Variants in MAPK4 observed in about 807,000 individuals in gnomAD.
The protein encoded by MAPK4 is Erk3-related.
In MAPK4, 22 loss-of-function variants were observed where a neutral mutation model predicts 47.7. The observed-to-expected ratio is 0.46, with a 90% CI of 0.33 to 0.66. The LOEUF (loss-of-function observed/expected upper bound fraction) is 0.66, where lower values mean the gene tolerates loss of function less well. Ranked by LOEUF, MAPK4 falls within the 30% of genes least tolerant of loss-of-function variation. MAPK4 has a pLI of 0.02. For missense variants in MAPK4, 736 were observed against 831.7 expected (o/e 0.88, Z 1.42); for synonymous variants, 390 against 365.7 (o/e 1.07, Z -0.76).
At chr18:50,682,114 G>C (rs866450702) in intron 2 of MAPK4, among the ~76,000 whole-genome samples, 1 of 152,078 alleles carries the variant, frequency 6.6e-6, no homozygotes, top group African/African-American at 2.4e-5. Context: ...GGAGTTTTTT[G>C]TTAGGTTGTT....
intron 2 of MAPK4, among the ~76,000 whole-genome samples, chr18:50,710,654 C>T (rs937484515): frequency 6.6e-6 from 1 of 151,868 alleles, no homozygotes; most frequent in Non-Finnish European, 1.5e-5. Context: ...GTGGCAGGCA[C>T]CTGCAGTCCC....
chr18:50,564,165 C>A (rs2042178436), intron 1 of MAPK4, among the ~76,000 whole-genome samples: 1 of 152,176 alleles, frequency 6.6e-6, no homozygotes, highest in African/African-American at 2.4e-5. Flanking sequence ...TCTCTGTGAG[C>A]CACCTGTCAG....
At chr18:50,623,715 G>C (rs2042752279) in intron 1 of MAPK4, among the ~76,000 whole-genome samples, 1 of 152,218 alleles carries the variant, frequency 6.6e-6, no homozygotes, top group Non-Finnish European at 1.5e-5. Flanking sequence ...GTGCAAATCA[G>C]ACTACATCAT....
chr18:50,626,616 C>G (rs143996966), intron 1 of MAPK4, among the ~76,000 whole-genome samples: 5 of 152,244 alleles, frequency 3.3e-5, no homozygotes, highest in Admixed American at 6.5e-5. Flanking sequence ...TTTCTCGTCC[C>G]CTCTCCCCTC....
At chr18:50,616,564 G>T (rs1328281356) in intron 1 of MAPK4, among the ~76,000 whole-genome samples, 3 of 152,168 alleles carry the variant, frequency 2.0e-5, no homozygotes, top group Non-Finnish European at 2.9e-5. Flanking sequence ...TAGACCATCT[G>T]CAGGCTAAGG....
At position 50,729,874 on chromosome 18, in the gene MAPK4, G is replaced by C; in HGVS notation, c.*20G>C. ...TGGTGAGGGCGGAGGGGCCGCTCCA[G>C]GCCCCACAGAGCAGGAGACCCCCAG... On this transcript the variant is annotated 3_prime_UTR_variant, in exon 6 of 6. Coordinates refer to ENST00000400384, the MANE Select transcript of MAPK4 (RefSeq NM_002747.4). 1 of 1,576,724 alleles carries C rather than the reference G, an allele frequency of 6.3e-7. No individual in the cohort carries two copies.
intron 1 of MAPK4, among the ~76,000 whole-genome samples, chr18:50,615,893 G>A (rs2042680514): frequency 6.6e-6 from 1 of 152,126 alleles, no homozygotes; most frequent in Non-Finnish European, 1.5e-5. Flanking sequence ...AGATACCTTG[G>A]GGAAAAACTG....
chr18:50,729,798 C>A lies in MAPK4; in HGVS notation c.1708C>A (p.Pro570Thr), dbSNP rs1166513447. Residue 570 changes from proline to threonine, a missense_variant, in exon 6 of 6, where the codon CCC becomes ACC. This residue lies in a region of MAPK4 where 377 missense variants were observed against 378.6 expected (regional missense o/e 1.00). Transcript: ENST00000400384. Reference protein sequence around the residue: ...KLGDLNGACIPEHPGDLVQTE... With the variant: ...KLGDLNGACITEHPGDLVQTE... ...GGGCGACCTCAATGGTGCGTGCATCCCCGAGCACCCTGGCGACCTCGTGCA... is the reference window on the plus strand; with the variant it reads ...GGGCGACCTCAATGGTGCGTGCATCACCGAGCACCCTGGCGACCTCGTGCA... 3 of 1,612,484 alleles carry A rather than the reference C, an allele frequency of 1.9e-6. No individual in the cohort carries two copies. The highest frequency in any genetic ancestry group is 2.5e-6 in the Non-Finnish European group (3 of 1,179,784).
intron 1 of MAPK4, among the ~76,000 whole-genome samples, chr18:50,592,176 A>G (rs2042441946): frequency 1.3e-5 from 2 of 152,000 alleles, no homozygotes; most frequent in Admixed American, 6.6e-5. Flanking sequence ...GAGATTGGGA[A>G]CTCTAGAGGC....
At chr18:50,572,036 T>C (rs1418848604) in intron 1 of MAPK4, among the ~76,000 whole-genome samples, 1 of 152,244 alleles carries the variant, frequency 6.6e-6, no homozygotes, top group Non-Finnish European at 1.5e-5. Flanking sequence ...GTGAGAAATA[T>C]GTAACAATGG....
Position 50,578,701 on chromosome 18 carries a change from A to G in MAPK4, c.-871+18458A>G, listed in dbSNP as rs1177989667. ...GGTATTGTGCAAGCTTTGCTGCTAT[A>G]AGGAAGAGGAAGAGCCGTTACTACA... is the stretch of plus-strand genomic sequence containing the variant. On this transcript the variant is annotated intron_variant, in intron 1 of 5. Transcript: ENST00000400384. Among the ~76,000 whole-genome samples the G allele has an allele frequency of 4.6e-5, 7 of 152,212 alleles. 1 individual carries two copies. Among genetic ancestry groups the G allele is most frequent in the Admixed American group, 2.6e-4 (4 of 15,290 alleles).
intron 1 of MAPK4, among the ~76,000 whole-genome samples, chr18:50,576,910 T>G (rs1382809843): frequency 6.6e-6 from 1 of 152,180 alleles, no homozygotes; most frequent in Admixed American, 6.5e-5. Flanking sequence ...CTCTACAAAT[T>G]CAATTCAGTT....
At chr18:50,613,983 T>TGA (rs1223995100) in intron 1 of MAPK4, among the ~76,000 whole-genome samples, 4 of 152,242 alleles carry the variant, frequency 2.6e-5, no homozygotes, top group Non-Finnish European at 5.9e-5. Flanking sequence ...CTGTTTAATA[T>TGA]ATTCTATTCA....
intron 1 of MAPK4, among the ~76,000 whole-genome samples, chr18:50,596,676 C>T (rs1009188720): frequency 2.2e-4 from 34 of 152,308 alleles, no homozygotes; most frequent in African/African-American, 8.2e-4. Context: ...CCAAAATCAA[C>T]ATCAGTGGTA....
rs1217506185 is a variant in MAPK4, at chr18:50,674,188, A to G, written c.546+9684A>G. Reference sequence around the variant, plus strand: ...CTTCAGTCATTGCTCCAGTCTCTCCACTTGGGTACACCCAAGTTGTAAACA... The same window carrying G: ...CTTCAGTCATTGCTCCAGTCTCTCCGCTTGGGTACACCCAAGTTGTAAACA... On this transcript the variant is annotated intron_variant, in intron 2 of 5. Coordinates refer to ENST00000400384, the MANE Select transcript of MAPK4 (RefSeq NM_002747.4). Among the ~76,000 whole-genome samples the G allele has an allele frequency of 2.6e-5, 4 of 152,322 alleles. No individual in the cohort carries two copies. In the East Asian group the frequency reaches 7.7e-4, roughly 29 times the overall value.
chr18:50,660,429 A>G (rs2043157846), intron 1 of MAPK4, among the ~76,000 whole-genome samples: 1 of 152,214 alleles, frequency 6.6e-6, no homozygotes, highest in African/African-American at 2.4e-5. Context: ...GTGACCACCT[A>G]GGAAACGTGG....
intron 1 of MAPK4, among the ~76,000 whole-genome samples, chr18:50,597,120 C>G (rs8084796): frequency 6.6e-6 from 1 of 152,238 alleles, no homozygotes; most frequent in Non-Finnish European, 1.5e-5. Flanking sequence ...TCATGTCCCC[C>G]TTCAGTCAAT....
intron 4 of MAPK4, among the ~76,000 whole-genome samples, chr18:50,722,808 G>T (rs991150071): frequency 4.6e-5 from 7 of 152,184 alleles, no homozygotes; most frequent in Non-Finnish European, 1.0e-4. Context: ...GGCGGGCTCT[G>T]GATGAAGCAG....
intron 1 of MAPK4, among the ~76,000 whole-genome samples, chr18:50,603,372 T>C (rs185656725): frequency 6.6e-6 from 1 of 152,252 alleles, no homozygotes; most frequent in East Asian, 1.9e-4. Flanking sequence ...GACATCCACA[T>C]CTCCTCTCAC....
Sources: gnomAD v4.1 joint callset for allele counts (sites outside exome capture counted in the v4.1 genomes callset) on GRCh38, gnomAD v4.1.1 for gene constraint, gnomAD v4.1.1 regional missense constraint, MANE v1.5 for transcripts, NCBI Gene and HGNC (gene_info 2026-07-23, HGNC 2026-07-21) for gene names.